ANKS6: variants seen among roughly 807,000 people sequenced by gnomAD.
ANKS6 encodes the protein ankyrin repeat and sterile alpha motif domain containing 6.
Under a neutral mutation model 77.9 loss-of-function variants are expected in ANKS6, and 47 were observed. The ratio of observed to expected loss-of-function variants is 0.60; its 90% CI spans 0.48 to 0.77. The LOEUF (loss-of-function observed/expected upper bound fraction) is 0.77. Among genes scored for constraint, ANKS6 ranks in the 30% least tolerant of loss-of-function variants. The pLI is 0.00. For synonymous variants in ANKS6, 488 were observed against 501.7 expected, an observed-to-expected ratio of 0.97 and a Z score of 0.37; for missense variants, 1,150 against 1,159.1, an observed-to-expected ratio of 0.99 and a Z score of 0.11.
rs1197981774 is a variant in ANKS6 at position 98,736,534 on chromosome 9, G to A, written c.2601C>T (p.Asn867=). The A allele has an allele frequency of 5.6e-6, 9 of 1,612,104 alleles. No individual in the cohort carries two copies. Among genetic ancestry groups the A allele is most frequent in the Admixed American group, 1.7e-5 (1 of 59,930 alleles). Residue 867 remains asparagine, a synonymous_variant, in exon 15 of 15, where the codon AAC becomes AAT. Transcript: ENST00000353234. ...SSASNTRAPG[N]SPCA is the part of the protein sequence containing the mutation. ...GGAAGGAGGATCACGCACAGGGGCT[G>A]TTGCCAGGGGCCCTGGTGTTGCTGG...
chr9:98,767,285 T>C (rs908064375), intron 11 of ANKS6, among the ~76,000 whole-genome samples: 2 of 152,156 alleles, frequency 1.3e-5, no homozygotes, highest in African/African-American at 4.8e-5. Context: ...GGCCACGCTG[T>C]CACCTCTGGA....
intron 2 of ANKS6, among the ~76,000 whole-genome samples, chr9:98,787,055 G>C (rs1200396546): frequency 6.6e-6 from 1 of 152,198 alleles, no homozygotes; most frequent in South Asian, 2.1e-4. Context: ...GACAGTTACA[G>C]CATCAAAAGT....
In ANKS6 at chr9:98,768,266, A is replaced by G; in HGVS notation, c.1973-16T>C. 4 of 1,613,602 alleles carry G rather than the reference A, an allele frequency of 2.5e-6. No individual in the cohort carries two copies. Among genetic ancestry groups the G allele is most frequent in the Non-Finnish European group, 3.4e-6 (4 of 1,179,986 alleles). ...ATGCTGCCACCTGAGGAAACACAAA[A>G]TGAGTGAACACCATGGGCACAGAGG... On this transcript the variant is annotated splice_polypyrimidine_tract_variant and intron_variant, in intron 10 of 14. Transcript: ENST00000353234.
chr9:98,777,545 CCAACT>C, intron 7 of ANKS6, 91 bp from the exon 8 acceptor site: 1 of 1,166,524 alleles, frequency 8.6e-7, no homozygotes, highest in Non-Finnish European at 1.3e-6. Context: ...ACCTGGAAAA[CCAACT>C]CTCCTGGGTG....
At chr9:98,745,743 A>G (rs1424118709) in intron 13 of ANKS6, 68 bp from the exon 14 acceptor site, 1 of 1,208,534 alleles carries the variant, frequency 8.3e-7, no homozygotes, top group Admixed American at 1.7e-5. Flanking sequence ...CACAACAGCA[A>G]TCTCATGATT....
chr9:98,754,591 G>C (rs1202726623), intron 12 of ANKS6, among the ~76,000 whole-genome samples: 1 of 151,722 alleles, frequency 6.6e-6, no homozygotes, highest in Non-Finnish European at 1.5e-5. Flanking sequence ...GCAGTGAGCC[G>C]AGATCGCGCC....
chr9:98,734,129 A>T lies in ANKS6; in HGVS notation c.*2390T>A, dbSNP rs376233165. 6 of 985,402 alleles carry T rather than the reference A, an allele frequency of 6.1e-6. No individual in the cohort carries two copies. The African/African-American group carries it at 8.7e-5, about 14-fold the overall frequency. 61.0% of individuals were successfully genotyped at this position (985,402 alleles called of 1,614,324 possible). On this transcript the variant is annotated 3_prime_UTR_variant, in exon 15 of 15. Coordinates refer to ENST00000353234, the MANE Select transcript of ANKS6 (RefSeq NM_173551.5). ...CTTCCCTGCCTACCAGCCGCATCCAAACATCCCCAGAAAGGGTGCCAGGGA... is the reference window on the plus strand; with the variant it reads ...CTTCCCTGCCTACCAGCCGCATCCATACATCCCCAGAAAGGGTGCCAGGGA...
chr9:98,744,494 G>A (rs1016993349), intron 14 of ANKS6, among the ~76,000 whole-genome samples: 4 of 152,172 alleles, frequency 2.6e-5, no homozygotes, highest in East Asian at 3.9e-4. Context: ...TAAGGACATC[G>A]GCCTCCTTGG....
At chr9:98,777,344 A>C in intron 8 of ANKS6, 61 bp downstream of exon 8, 1 of 1,552,380 alleles carries the variant, frequency 6.4e-7, no homozygotes, top group Non-Finnish European at 8.9e-7. Flanking sequence ...CCCTCCTTGT[A>C]AATCAATCAA....
chr9:98,742,840 T>C (rs929947534), intron 14 of ANKS6, among the ~76,000 whole-genome samples: 1 of 11,466 alleles, frequency 8.7e-5, no homozygotes, highest in Admixed American at 1.3e-3. Context: ...GAAGAGGGAA[T>C]GGGTGGGGGG....
intron 9 of ANKS6, 147 bp from the exon 10 acceptor site, chr9:98,771,193 G>A: frequency 3.1e-6 from 3 of 967,200 alleles, no homozygotes; most frequent in Non-Finnish European, 4.1e-6. Flanking sequence ...GGGCCCAGCT[G>A]GGGAGTCCCT....
chr9:98,766,114 C>T (rs1454794957), intron 11 of ANKS6, among the ~76,000 whole-genome samples: 6 of 152,090 alleles, frequency 3.9e-5, no homozygotes, highest in Non-Finnish European at 8.8e-5. Flanking sequence ...TAGATAGCTC[C>T]TCAAGATCAT....
chr9:98,779,405 G>T (rs1259629960), intron 6 of ANKS6, among the ~76,000 whole-genome samples: 2 of 152,134 alleles, frequency 1.3e-5, no homozygotes, highest in African/African-American at 4.8e-5. Context: ...GGCTGCAAAC[G>T]GATTCCTTGG....
chr9:98,770,270 C>T (rs1260419640), intron 10 of ANKS6, among the ~76,000 whole-genome samples: 2 of 152,152 alleles, frequency 1.3e-5, no homozygotes, highest in African/African-American at 4.8e-5. Flanking sequence ...GATTGTGAGG[C>T]CTCCTCAGCC....
intron 8 of ANKS6, among the ~76,000 whole-genome samples, chr9:98,775,263 A>G (rs1435232819): frequency 6.6e-6 from 1 of 152,196 alleles, no homozygotes; most frequent in Non-Finnish European, 1.5e-5. Context: ...CAGGAATTCC[A>G]TTTCTAGGTA....
chr9:98,783,963 T>C lies in ANKS6; in HGVS notation c.1102A>G (p.Thr368Ala), dbSNP rs763058250. The change falls in exon 4 of 15, where the codon ACC becomes GCC. Residue 368 changes from threonine (T) to alanine (A), a missense_variant. Transcript: ENST00000353234. ...VHGWTALMQA[T>A]YHGNKEIVKY... ...GGGGCTGGCACTGACCCATGGTAGG[T>C]TGCCTGCATGAGGGCCGTCCAGCCA... is the stretch of plus-strand genomic sequence containing the variant. 1.9e-6 allele frequency: 3 copies of C among 1,595,182 alleles called. No individual in the cohort carries two copies. The highest frequency in any genetic ancestry group is 2.3e-5 in the East Asian group (1 of 44,276).
At position 98,791,701 on chromosome 9, in the gene ANKS6, C is replaced by T. The variant is rs1834912059; in HGVS notation, c.360-1095G>A. ...CTGTGAGGCAGCTTTCTGGGTTTCT[C>T]GATGCTCAGCCCTCCTTCCCGGGAG... On this transcript the variant is annotated intron_variant, in intron 1 of 14. Coordinates refer to ENST00000353234, the MANE Select transcript of ANKS6 (RefSeq NM_173551.5). The surrounding 1 kb of genome is among the most constrained non-coding windows in gnomAD (Gnocchi z 4.3). Among the ~76,000 whole-genome samples, 2 of 152,170 alleles carry T rather than the reference C, an allele frequency of 1.3e-5. No individual in the cohort carries two copies. Among genetic ancestry groups the T allele is most frequent in the Non-Finnish European group, 1.5e-5 (1 of 68,018 alleles).
At chr9:98,741,258 A>G (rs112685812) in intron 14 of ANKS6, among the ~76,000 whole-genome samples, 2,172 of 152,354 alleles carry the variant, frequency 0.014, 50 homozygotes, top group African/African-American at 0.05. Context: ...TAAAGAAAGC[A>G]GGATATAAAT....
chr9:98,751,798 G>A (rs931059705), intron 12 of ANKS6, among the ~76,000 whole-genome samples: 1 of 152,226 alleles, frequency 6.6e-6, no homozygotes, highest in Admixed American at 6.5e-5. Context: ...AAGGCTGACA[G>A]AGGCCGGGCA....
Sources: allele counts gnomAD v4.1 joint callset (sites outside exome capture counted in the v4.1 genomes callset), GRCh38; gene constraint gnomAD v4.1.1; non-coding constraint Gnocchi (gnomAD v3.1); transcripts MANE v1.5; gene names NCBI Gene and HGNC (gene_info 2026-07-23, HGNC 2026-07-21).